Variants in SYT3 observed in about 807,000 individuals in gnomAD.
SYT3 encodes the protein synaptotagmin 3, also known as synaptotagmin-3.
Under a neutral mutation model 50.6 loss-of-function variants are expected in SYT3, and 25 were observed. The ratio of observed to expected loss-of-function variants is 0.49; its 90% CI spans 0.36 to 0.69. The LOEUF is 0.69. Ranked by LOEUF, SYT3 falls within the 30% of genes least tolerant of loss-of-function variation. SYT3 has a pLI of 0.00. For synonymous variants in SYT3, 323 were observed against 353.9 expected (o/e 0.91, Z 0.98); for missense variants, 589 against 793.6 (o/e 0.74, Z 3.10).
chr19:50,641,372 G>A (rs2123029209), upstream of SYT3, among the ~76,000 whole-genome samples: 1 of 150,608 alleles, frequency 6.6e-6, no homozygotes, highest in South Asian at 2.1e-4. Flanking sequence ...TAGTAAAGAC[G>A]GGGTTTCACC....
rs765491405 is a variant in SYT3 at position 50,632,607 on chromosome 19, G to A, written c.353C>T (p.Ala118Val). The A allele has an allele frequency of 7.0e-6, 11 of 1,576,980 alleles. No homozygotes were observed. The highest frequency in any genetic ancestry group is 1.1e-5 in the South Asian group (1 of 88,710). The change falls in exon 4 of 11, where the codon GCG becomes GTG. Residue 118 changes from alanine to valine, a missense_variant. By Grantham distance (64) the Ala-to-Val change is moderately conservative. Coordinates refer to ENST00000600079, the MANE Select transcript of SYT3 (RefSeq NM_001160329.2). The surrounding 1 kb of genome is among the most constrained non-coding windows in gnomAD (Gnocchi z 4.7). ...CAGAGGATGGCCACCCAGGCCAGCC[G>A]CCAGGTGGTGCCCGCCTCCGCCTAC... Reference protein sequence around the residue: ...GLVGGGGHHLAAGLGGHPLLG... With the variant: ...GLVGGGGHHLVAGLGGHPLLG...
chr19:50,644,333 T>A (rs745964313), upstream of SYT3, among the ~76,000 whole-genome samples: 7 of 151,584 alleles, frequency 4.6e-5, no homozygotes, highest in Non-Finnish European at 1.0e-4. Context: ...GAGGAATAGA[T>A]GAAGGAATGG....
intron 3 of SYT3, among the ~76,000 whole-genome samples, chr19:50,635,151 G>A (rs546977063): frequency 1.5e-4 from 23 of 151,614 alleles, no homozygotes; most frequent in Admixed American, 3.9e-4. Flanking sequence ...CTTGTGATCC[G>A]CCCACCTCAG....
the SYT3 span, chr19:50,649,430 A>G: frequency 1.3e-6 from 2 of 1,536,030 alleles, no homozygotes. Context: ...GACATCCCTC[A>G]CCCACCTTCC....
At chr19:50,650,785 G>A in the SYT3 span, among the ~76,000 whole-genome samples, 1 of 152,228 alleles carries the variant, frequency 6.6e-6, no homozygotes, top group Non-Finnish European at 1.5e-5. Flanking sequence ...CCGAACAAAT[G>A]CCCTGATGGC....
the SYT3 span, among the ~76,000 whole-genome samples, chr19:50,654,169 C>T: frequency 6.6e-6 from 1 of 152,238 alleles, no homozygotes; most frequent in East Asian, 1.9e-4. Flanking sequence ...CCCTCCCTTT[C>T]AGCAGCTATA....
chr19:50,632,621 G>C lies in SYT3; in HGVS notation c.339C>G (p.Gly113=). Residue 113 remains glycine, a synonymous_variant, in exon 4 of 11, where the codon GGC becomes GGG. Coordinates refer to ENST00000600079, the MANE Select transcript of SYT3 (RefSeq NM_001160329.2). The surrounding 1 kb of genome is among the most constrained non-coding windows in gnomAD (Gnocchi z 4.7). ...GVGLAGLVGG[G]GHHLAAGLGG... ...CCAGGCCAGCCGCCAGGTGGTGCCC[G>C]CCTCCGCCTACCAGGCCTGCCAGCC... 6.3e-7 allele frequency: 1 copy of C among 1,578,930 alleles called. No individual in the cohort carries two copies. Among genetic ancestry groups the C allele is most frequent in the South Asian group, 1.1e-5 (1 of 88,750 alleles).
the SYT3 span, among the ~76,000 whole-genome samples, chr19:50,647,817 G>T: frequency 6.6e-6 from 1 of 152,158 alleles, no homozygotes; most frequent in African/African-American, 2.4e-5. Context: ...TGAGGGTCAG[G>T]TGTGCCTGTG....
chr19:50,644,764 G>T (rs1244777798), upstream of SYT3, among the ~76,000 whole-genome samples: 2 of 152,088 alleles, frequency 1.3e-5, no homozygotes, highest in East Asian at 3.9e-4. Context: ...TGGGTGGATG[G>T]ATGGATGATT....
rs1984234275 is a variant in SYT3, at chr19:50,629,955, C to T, written c.891G>A (p.Gly297=). Residue 297 remains glycine, a synonymous_variant, in exon 5 of 11, where the codon GGG becomes GGA. Transcript: ENST00000600079. ...GGPGSGEAGT[G]APCGRISFAL... ...CGAAGCTGATACGGCCACAGGGTGC[C>T]CCTGTGCCTGCCTCTCCAGAGCCTG... The T allele has an allele frequency of 3.1e-6, 5 of 1,613,794 alleles. No homozygotes were observed. The highest frequency in any genetic ancestry group is 2.2e-5 in the South Asian group (2 of 91,076).
chr19:50,626,234 G>A (rs1984056572), intron 6 of SYT3: 1 of 579,412 alleles, frequency 1.7e-6, no homozygotes, highest in Non-Finnish European at 2.8e-6. Context: ...GGAAAGATTG[G>A]AAGAAGCATG....
chr19:50,634,822 C>T (rs1379328397), intron 3 of SYT3, among the ~76,000 whole-genome samples: 1 of 151,984 alleles, frequency 6.6e-6, no homozygotes, highest in African/African-American at 2.4e-5. Flanking sequence ...GGCCTCAGAT[C>T]CATCCACCTC....
intron 3 of SYT3, among the ~76,000 whole-genome samples, chr19:50,634,832 C>G (rs6509493): frequency 6.6e-6 from 1 of 151,812 alleles, no homozygotes; most frequent in Non-Finnish European, 1.5e-5. Flanking sequence ...CCATCCACCT[C>G]GGCTTCCCAA....
chr19:50,656,163 C>A, the SYT3 span: 1 of 1,536,134 alleles, frequency 6.5e-7, no homozygotes, highest in Non-Finnish European at 8.7e-7. Flanking sequence ...TCTTCCGCCT[C>A]CCCAAATGTG....
chr19:50,655,510 G>C, the SYT3 span, among the ~76,000 whole-genome samples: 73 of 152,184 alleles, frequency 4.8e-4, no homozygotes, highest in African/African-American at 1.5e-3. Flanking sequence ...TTAGCTGGGC[G>C]TGGTAGCGGG....
the SYT3 span, among the ~76,000 whole-genome samples, chr19:50,651,366 T>C: frequency 6.6e-6 from 1 of 152,234 alleles, no homozygotes; most frequent in East Asian, 1.9e-4. Context: ...TCTTATTCTT[T>C]AGGTCTCACT....
At chr19:50,635,901 C>G (rs1163988661) in intron 3 of SYT3, among the ~76,000 whole-genome samples, 1 of 152,180 alleles carries the variant, frequency 6.6e-6, no homozygotes, top group East Asian at 1.9e-4. Flanking sequence ...CTGGGTGCCT[C>G]TTCCCTTTGC....
At chr19:50,645,791 G>T in the SYT3 span, among the ~76,000 whole-genome samples, 1 of 152,148 alleles carries the variant, frequency 6.6e-6, no homozygotes, top group Non-Finnish European at 1.5e-5. Flanking sequence ...GAGGCGGGAA[G>T]ATCGCTTGAG....
upstream of SYT3, among the ~76,000 whole-genome samples, chr19:50,640,074 C>A (rs2123027315): frequency 6.6e-6 from 1 of 152,312 alleles, no homozygotes; most frequent in East Asian, 1.9e-4. Context: ...TCTCCAGGGT[C>A]CGGGGGCCCA....
Sources: gnomAD v4.1 joint callset for allele counts (sites outside exome capture counted in the v4.1 genomes callset) on GRCh38, gnomAD v4.1.1 for gene constraint, Gnocchi (gnomAD v3.1) non-coding constraint, MANE v1.5 for transcripts, NCBI Gene and HGNC (gene_info 2026-07-23, HGNC 2026-07-21) for gene names.